Variants in MED13 observed in about 807,000 individuals in gnomAD.
MED13 encodes mediator of RNA polymerase II transcription subunit 13.
Under a neutral mutation model 225.2 loss-of-function variants are expected in MED13, and 23 were observed. The observed-to-expected ratio is 0.10, with a 90% CI of 0.07 to 0.14. The LOEUF (loss-of-function observed/expected upper bound fraction) is 0.14, where lower values mean the gene tolerates loss of function less well. Ranked by LOEUF, MED13 falls within the 10% of genes least tolerant of loss-of-function variation. MED13 has a pLI of 1.00. For missense variants in MED13, 2,197 were observed against 2,594.5 expected, an observed-to-expected ratio of 0.85 and a Z score of 3.33; for synonymous variants, 942 against 889.2, an observed-to-expected ratio of 1.06 and a Z score of -1.06.
intron 20 of MED13, among the ~76,000 whole-genome samples, chr17:61,963,768 G>A (rs1266860886): frequency 6.6e-6 from 1 of 152,110 alleles, no homozygotes; most frequent in Non-Finnish European, 1.5e-5. Flanking sequence ...CCACATATGA[G>A]TATAATTTTG....
intron 2 of MED13, among the ~76,000 whole-genome samples, chr17:62,056,807 GAAAAT>G (rs374417407): frequency 1.8e-3 from 267 of 152,234 alleles, no homozygotes; most frequent in African/African-American, 6.3e-3. Context: ...TATGTCCAGA[GAAAAT>G]AAAGTTCAAC....
Position 62,014,160 on chromosome 17 carries a change from G to GT in MED13, c.1284-2928dup, listed in dbSNP as rs527992402. On this transcript the variant is annotated intron_variant, in intron 8 of 29. Coordinates refer to ENST00000397786, the MANE Select transcript of MED13 (RefSeq NM_005121.3). ...CAACCAGATACTGTCTCTCTCTGAC[G>GT]TAACATAATACAAAGCAACACAGCC... Among the ~76,000 whole-genome samples the GT allele has an allele frequency of 2.9e-3, 437 of 151,876 alleles. 4 individuals carry two copies. Among genetic ancestry groups the GT allele is most frequent in the African/African-American group, 0.01 (416 of 41,390 alleles).
intron 3 of MED13, among the ~76,000 whole-genome samples, chr17:62,039,752 C>T (rs994662689): frequency 2.2e-4 from 33 of 151,962 alleles, no homozygotes; most frequent in African/African-American, 3.1e-4. Flanking sequence ...CCACTGCGTC[C>T]GGCTAGTTTT....
chr17:61,988,149 G>C (rs2080264452), intron 11 of MED13, among the ~76,000 whole-genome samples: 2 of 152,090 alleles, frequency 1.3e-5, no homozygotes, highest in African/African-American at 4.8e-5. Flanking sequence ...ACCACTAACA[G>C]TATGACCCTC....
intron 3 of MED13, among the ~76,000 whole-genome samples, chr17:62,049,625 C>T (rs2080936675): frequency 1.3e-5 from 2 of 152,016 alleles, no homozygotes; most frequent in Non-Finnish European, 2.9e-5. Context: ...GAAAACAAAA[C>T]GATGTACAAG....
intron 8 of MED13, among the ~76,000 whole-genome samples, chr17:62,015,944 ATATATATATATTTTTTTTTTTTTTTT>A (rs1159287440): frequency 1.6e-4 from 2 of 12,732 alleles, no homozygotes; most frequent in South Asian, 3.5e-3. Context: ...ATATATATAT[ATATATATATATTTTTTTTTTTTTTTT>A]TTTTTTTTTT....
At chr17:62,000,205 C>T (rs1301526803) in intron 9 of MED13, among the ~76,000 whole-genome samples, 1 of 152,154 alleles carries the variant, frequency 6.6e-6, no homozygotes, top group Non-Finnish European at 1.5e-5. Flanking sequence ...TTTCACTTAA[C>T]ACAAATAAAA....
intron 16 of MED13, among the ~76,000 whole-genome samples, chr17:61,977,746 C>A (rs946079103): frequency 6.6e-6 from 1 of 152,168 alleles, no homozygotes; most frequent in African/African-American, 2.4e-5. Flanking sequence ...CCGTGCCCGG[C>A]CCATTATTTG....
intron 5 of MED13, among the ~76,000 whole-genome samples, chr17:62,033,152 C>CAAA (rs1249924556): frequency 6.6e-6 from 1 of 151,030 alleles, no homozygotes; most frequent in Non-Finnish European, 1.5e-5. Flanking sequence ...GACTCCACCT[C>CAAA]AAAAAAATAA....
At chr17:62,035,690 C>A in intron 3 of MED13, 82 bp from the exon 4 acceptor site, 1 of 1,375,640 alleles carries the variant, frequency 7.3e-7, no homozygotes, top group Admixed American at 2.7e-5. Context: ...AGGAAGTATG[C>A]AAAAATGCAT....
intron 22 of MED13, among the ~76,000 whole-genome samples, chr17:61,961,314 G>C (rs991201735): frequency 6.6e-6 from 1 of 151,982 alleles, no homozygotes; most frequent in Non-Finnish European, 1.5e-5. Flanking sequence ...GATCACCTGA[G>C]GTCAGGAGTT....
At chr17:61,946,851 A>G (rs764648406) in intron 29 of MED13, 66 bp downstream of exon 29, 31 of 1,428,344 alleles carry the variant, frequency 2.2e-5, no homozygotes, top group East Asian at 6.8e-5. Context: ...AGAAAAATAT[A>G]TAAGAATCAA....
chr17:62,001,877 T>C (rs1447816604), intron 9 of MED13, among the ~76,000 whole-genome samples: 2 of 152,222 alleles, frequency 1.3e-5, no homozygotes, highest in African/African-American at 4.8e-5. Context: ...ATTTTAAAAA[T>C]ACCTTTTAAG....
intron 9 of MED13, among the ~76,000 whole-genome samples, chr17:62,008,034 A>G (rs76530681): frequency 6.8e-6 from 1 of 147,238 alleles, no homozygotes; most frequent in South Asian, 2.1e-4. Flanking sequence ...AAAAAAAAAA[A>G]AAGCTGTGCG....
chr17:61,955,972 C>T (rs1212962980), intron 24 of MED13, 134 bp from the exon 25 acceptor site: 2 of 1,312,024 alleles, frequency 1.5e-6, no homozygotes, highest in African/African-American at 1.5e-5. Flanking sequence ...TGTATTCCTC[C>T]AACACGAGTC....
intron 2 of MED13, among the ~76,000 whole-genome samples, chr17:62,060,908 C>T (rs2081034207): frequency 6.6e-6 from 1 of 151,964 alleles, no homozygotes; most frequent in African/African-American, 2.4e-5. Context: ...CCATGTTGGC[C>T]AGGATGGTCT....
At chr17:61,997,356 A>C (rs1226760175) in intron 9 of MED13, among the ~76,000 whole-genome samples, 1 of 152,192 alleles carries the variant, frequency 6.6e-6, no homozygotes, top group African/African-American at 2.4e-5. Flanking sequence ...TAATGCTAGC[A>C]CACTGTCATT....
At chr17:61,971,460 G>A (rs1254899559) in intron 17 of MED13, among the ~76,000 whole-genome samples, 2 of 151,578 alleles carry the variant, frequency 1.3e-5, no homozygotes, top group East Asian at 2.0e-4. Context: ...CACCATGCCC[G>A]GCTTATTTTG....
At chr17:62,057,255 C>G (rs1457413477) in intron 2 of MED13, among the ~76,000 whole-genome samples, 1 of 152,048 alleles carries the variant, frequency 6.6e-6, no homozygotes, top group Non-Finnish European at 1.5e-5. Flanking sequence ...ATCAGTGTTT[C>G]TCCTGAATAA....
Sources: allele counts gnomAD v4.1 joint callset (sites outside exome capture counted in the v4.1 genomes callset), GRCh38; gene constraint gnomAD v4.1.1; transcripts MANE v1.5; gene names NCBI Gene and HGNC (gene_info 2026-07-23, HGNC 2026-07-21).